PPP3CC: variants seen among roughly 807,000 people sequenced by gnomAD.
The protein encoded by PPP3CC is serine/threonine-protein phosphatase 2B catalytic subunit gamma isoform.
PPP3CC carries 35 observed loss-of-function variants against 60.3 expected under a neutral mutation model. That is an observed-to-expected ratio of 0.58 (90% CI 0.44 to 0.77). PPP3CC has a LOEUF of 0.77. Among genes scored for constraint, PPP3CC ranks in the 30% least tolerant of loss-of-function variants. The pLI is 0.00. For missense variants in PPP3CC, 570 were observed against 628.9 expected (o/e 0.91, Z 1.00); for synonymous variants, 206 against 224.3 (o/e 0.92, Z 0.73).
intron 1 of PPP3CC, among the ~76,000 whole-genome samples, chr8:22,448,488 T>A (rs1352308146): frequency 6.6e-6 from 1 of 151,586 alleles, no homozygotes; most frequent in Admixed American, 6.6e-5. Context: ...CAAGCGATTC[T>A]CCTGCCTCAG....
At chr8:22,493,795 T>A (rs1204344162) in intron 3 of PPP3CC, among the ~76,000 whole-genome samples, 2 of 152,154 alleles carry the variant, frequency 1.3e-5, no homozygotes, top group Admixed American at 1.3e-4. Context: ...CTTTTGTAAA[T>A]AGAAGGAACA....
chr8:22,452,356 G>C (rs1009371460), intron 1 of PPP3CC, among the ~76,000 whole-genome samples: 1 of 152,124 alleles, frequency 6.6e-6, no homozygotes, highest in Non-Finnish European at 1.5e-5. Flanking sequence ...TTGTCCCTCA[G>C]CTTGACCAGC....
At chr8:22,465,839 T>C (rs1837503724) in intron 1 of PPP3CC, among the ~76,000 whole-genome samples, 1 of 152,172 alleles carries the variant, frequency 6.6e-6, no homozygotes, top group African/African-American at 2.4e-5. Context: ...TAGTTTTTGC[T>C]TTTTTTAAAA....
chr8:22,540,802 A>T lies in PPP3CC; in HGVS notation c.1539A>T (p.Ter513CysextTer11). 1.9e-6 allele frequency: 3 copies of T among 1,606,028 alleles called. No homozygotes were observed. Among genetic ancestry groups the T allele is most frequent in the Non-Finnish European group, 2.6e-6 (3 of 1,175,882 alleles). The change falls in exon 14 of 14, where the codon TGA becomes TGT. Residue 513 changes from the stop codon to cysteine, a stop_lost. Transcript: ENST00000240139. ...ACCAAGGGAAGAAAGCCCATTCATG[A>T]CTTAGAGTCCTGCCGTGGCTCAGGT... ...RSDQGKKAHS[*>C]
At chr8:22,449,868 CTT>C (rs764100960) in intron 1 of PPP3CC, among the ~76,000 whole-genome samples, 4 of 134,848 alleles carry the variant, frequency 3.0e-5, no homozygotes, top group Non-Finnish European at 3.2e-5. Context: ...TTTTTCTTTT[CTT>C]TTTTTTTTTT....
intron 3 of PPP3CC, among the ~76,000 whole-genome samples, chr8:22,477,300 A>C (rs1837918950): frequency 1.3e-5 from 2 of 152,208 alleles, no homozygotes; most frequent in East Asian, 3.9e-4. Flanking sequence ...AACATGGTGA[A>C]ACCCCATCTC....
At chr8:22,479,270 C>A (rs1421873645) in intron 3 of PPP3CC, among the ~76,000 whole-genome samples, 1 of 152,012 alleles carries the variant, frequency 6.6e-6, no homozygotes, top group Non-Finnish European at 1.5e-5. Flanking sequence ...AATGCAGAAT[C>A]TAGAAAACAA....
At chr8:22,463,059 A>G (rs753711802) in intron 1 of PPP3CC, among the ~76,000 whole-genome samples, 5 of 152,146 alleles carry the variant, frequency 3.3e-5, no homozygotes, top group Non-Finnish European at 7.4e-5. Flanking sequence ...TATTTTGCCA[A>G]GGATAAGCAT....
chr8:22,457,478 G>A (rs1453854996), intron 1 of PPP3CC, among the ~76,000 whole-genome samples: 4 of 151,776 alleles, frequency 2.6e-5, no homozygotes, highest in African/African-American at 9.7e-5. Flanking sequence ...AATTTTTGTG[G>A]TTTTTAGTAG....
intron 6 of PPP3CC, among the ~76,000 whole-genome samples, chr8:22,521,179 A>G (rs918977442): frequency 2.0e-5 from 3 of 152,200 alleles, no homozygotes; most frequent in Non-Finnish European, 2.9e-5. Context: ...TTTGGGTCCA[A>G]TCAGCAGCCC....
At chr8:22,515,109 C>T (rs911703401) in intron 6 of PPP3CC, among the ~76,000 whole-genome samples, 6 of 152,142 alleles carry the variant, frequency 3.9e-5, no homozygotes, top group African/African-American at 1.2e-4. Flanking sequence ...ATTAACTATC[C>T]CATTTCCCCT....
intron 3 of PPP3CC, among the ~76,000 whole-genome samples, chr8:22,490,496 A>G (rs1445967890): frequency 6.6e-6 from 1 of 152,148 alleles, no homozygotes; most frequent in African/African-American, 2.4e-5. Flanking sequence ...GTACATGTGC[A>G]CAACGTGCAG....
At chr8:22,499,551 G>A (rs1838702890) in intron 4 of PPP3CC, among the ~76,000 whole-genome samples, 1 of 152,188 alleles carries the variant, frequency 6.6e-6, no homozygotes, top group Non-Finnish European at 1.5e-5. Context: ...CAGCCCAGGA[G>A]TTCTACACCA....
At chr8:22,502,815 T>C (rs1838800735) in intron 4 of PPP3CC, among the ~76,000 whole-genome samples, 1 of 152,206 alleles carries the variant, frequency 6.6e-6, no homozygotes, top group African/African-American at 2.4e-5. Flanking sequence ...ATATATAATG[T>C]ACAGAAGAAA....
chr8:22,539,327 T>C, intron 12 of PPP3CC, 142 bp from the exon 13 acceptor site: 1 of 668,092 alleles, frequency 1.5e-6, no homozygotes. Flanking sequence ...TTCTCGCTTC[T>C]CTAACTAGTT....
At chr8:22,517,059 G>A (rs775521715) in intron 6 of PPP3CC, among the ~76,000 whole-genome samples, 83 of 152,306 alleles carry the variant, frequency 5.4e-4, no homozygotes, top group Non-Finnish European at 9.0e-4. Flanking sequence ...TCCCTTAGCA[G>A]TAGTGTTTCA....
At chr8:22,449,187 G>A (rs1347886372) in intron 1 of PPP3CC, among the ~76,000 whole-genome samples, 1 of 152,146 alleles carries the variant, frequency 6.6e-6, no homozygotes, top group Admixed American at 6.5e-5. Context: ...AGTGGCTCAT[G>A]CCTGTAATCC....
At chr8:22,468,252 C>T (rs894422006) in intron 1 of PPP3CC, among the ~76,000 whole-genome samples, 11 of 152,016 alleles carry the variant, frequency 7.2e-5, no homozygotes, top group Non-Finnish European at 1.3e-4. Flanking sequence ...TACAGGCGCC[C>T]GCTACCACGC....
intron 13 of PPP3CC, 33 bp from the exon 14 acceptor site, chr8:22,540,569 TGCTGCCTAATTGA>T (rs779592254): frequency 2.8e-5 from 43 of 1,558,692 alleles, no homozygotes; most frequent in Non-Finnish European, 3.6e-5. Flanking sequence ...CCTGTTGCTT[TGCTGCCTAATTGA>T]GCTCTCTCCA....
Sources: gnomAD v4.1 joint callset for allele counts (sites outside exome capture counted in the v4.1 genomes callset) on GRCh38, gnomAD v4.1.1 for gene constraint, MANE v1.5 for transcripts, NCBI Gene and HGNC (gene_info 2026-07-23, HGNC 2026-07-21) for gene names.